The following CAMKK1 variants were observed in gnomAD, a reference collection of about 807,000 sequenced individuals.
CAMKK1 encodes the protein calcium/calmodulin-dependent protein kinase kinase 1.
Under a neutral mutation model 63.5 loss-of-function variants are expected in CAMKK1, and 20 were observed. The observed-to-expected ratio is 0.32, with a 90% confidence interval of 0.22 to 0.46. CAMKK1 has a LOEUF of 0.46. Among genes scored for constraint, CAMKK1 ranks in the 20% least tolerant of loss-of-function variants. The pLI is 1.00. For synonymous variants in CAMKK1, 253 were observed against 269.0 expected (o/e 0.94, Z 0.58); for missense variants, 588 against 658.1 (o/e 0.89, Z 1.17).
intron 14 of CAMKK1, among the ~76,000 whole-genome samples, chr17:3,868,148 C>T (rs1318830216): frequency 5.1e-5 from 1 of 19,756 alleles, no homozygotes; most frequent in Non-Finnish European, 8.6e-5. Context: ...GAGAAGCAGG[C>T]GCCGTCTAAC....
At chr17:3,870,314 G>A (rs1597451765) in intron 12 of CAMKK1, among the ~76,000 whole-genome samples, 1 of 151,962 alleles carries the variant, frequency 6.6e-6, no homozygotes, top group African/African-American at 2.4e-5. Flanking sequence ...AGATGGGAGG[G>A]AGCAGCCCCC....
chr17:3,880,433 G>T lies in CAMKK1; in HGVS notation c.709C>A (p.Pro237Thr), dbSNP rs1250178452. The stretch of plus-strand genomic sequence containing the variant: ...TTGTCACAGGGCACTTCCATGACGG[G>T]CCTATGGAGAAGGATGCGGGGAGGG... ...YLVFDLLRKG[P>T]VMEVPCDKPF... Residue 237 changes from proline (P) to threonine (T), a missense_variant and splice_region_variant, in exon 9 of 16, where the codon CCC becomes ACC. This residue lies in a region of CAMKK1 where 357 missense variants were observed against 407.4 expected (regional missense o/e 0.88). Coordinates refer to ENST00000348335, the MANE Select transcript of CAMKK1 (RefSeq NM_032294.3). 1.2e-6 allele frequency: 2 copies of T among 1,613,086 alleles called. No homozygotes were observed. Among genetic ancestry groups the T allele is most frequent in the South Asian group, 1.1e-5 (1 of 90,894 alleles).
At chr17:3,868,802 A>G (rs1481545330) in intron 14 of CAMKK1, among the ~76,000 whole-genome samples, 2 of 149,390 alleles carry the variant, frequency 1.3e-5, no homozygotes, top group Non-Finnish European at 3.0e-5. Flanking sequence ...ACAGGTGCCC[A>G]CCACTGCGCC....
chr17:3,885,677 C>A lies in CAMKK1; in HGVS notation c.11G>T (p.Gly4Val), dbSNP rs746626071. The A allele has an allele frequency of 3.3e-5, 53 of 1,612,692 alleles. No homozygotes were observed. Among genetic ancestry groups the A allele is most frequent in the Non-Finnish European group, 4.5e-5 (53 of 1,179,992 alleles). MEG[G>V]PAVCCQDPRA... ...AGGATCCTGGCAGCAGACAGCTGGA[C>A]CCCCCTCCATTGCTTCAGTCAAGGG... Residue 4 changes from glycine (G) to valine (V), a missense_variant, in exon 2 of 16, where the codon GGT (glycine) becomes GTT (valine). By Grantham distance (109) the Gly-to-Val change is moderately radical (BLOSUM62 -3). Transcript: ENST00000348335.
In CAMKK1 at chr17:3,873,458, A is replaced by G; in HGVS notation, c.1001T>C (p.Leu334Ser). 6.2e-7 allele frequency: 1 copy of G among 1,613,996 alleles called. No individual in the cohort carries two copies. The highest frequency in any genetic ancestry group is 8.5e-7 in the Non-Finnish European group (1 of 1,179,982). ...CGTGACGCCAGTGGCCCATACATCC[A>G]AGGCCTGGAAAGAAACATGCTCACA... Reference protein sequence around the residue: ...DSGQSFSGKALDVWATGVTLY... With the variant: ...DSGQSFSGKASDVWATGVTLY... Residue 334 changes from leucine (L) to serine (S), a missense_variant, in exon 11 of 16, where the codon TTG becomes TCG. By Grantham distance (145) the Leu-to-Ser change is moderately radical (BLOSUM62 -2). Transcript: ENST00000348335.
intron 13 of CAMKK1, 57 bp downstream of exon 13, chr17:3,869,744 G>T: frequency 1.9e-6 from 3 of 1,603,444 alleles, no homozygotes; most frequent in Non-Finnish European, 2.6e-6. Flanking sequence ...TCCAGAAAGG[G>T]AAAGTGACTC....
chr17:3,874,979 G>A (rs1461535568), intron 10 of CAMKK1, among the ~76,000 whole-genome samples: 9 of 151,874 alleles, frequency 5.9e-5, no homozygotes, highest in South Asian at 2.1e-4. Flanking sequence ...AAAATTAGCC[G>A]GGCGTGGTGG....
intron 12 of CAMKK1, among the ~76,000 whole-genome samples, chr17:3,871,001 G>A (rs906900121): frequency 6.6e-6 from 1 of 152,146 alleles, no homozygotes; most frequent in African/African-American, 2.4e-5. Flanking sequence ...GAATGCTAGC[G>A]CCAGGGTGTG....
chr17:3,890,209 G>A lies in CAMKK1; in HGVS notation c.-44+2730C>T, dbSNP rs555404752. ...CCCTCCGCAGCTCCCGCCCCCACCC[G>A]GGATGACTCAGTCCCCTTGAGGGAG... On this transcript the variant is annotated intron_variant, in intron 1 of 15. Coordinates refer to ENST00000348335, the MANE Select transcript of CAMKK1 (RefSeq NM_032294.3). This position sits in a 1 kb window ranked among gnomAD's most constrained non-coding sequence, Gnocchi z 6.5. 3.3e-5 allele frequency among the ~76,000 whole-genome samples: 5 copies of A among 152,208 alleles called. No individual in the cohort carries two copies. Among genetic ancestry groups the A allele is most frequent in the South Asian group, 2.1e-4 (1 of 4,824 alleles).
chr17:3,871,500 A>G (rs11078469), intron 12 of CAMKK1, among the ~76,000 whole-genome samples: 141,871 of 148,166 alleles, frequency 0.96, 67,955 homozygotes, highest in East Asian at 1. Flanking sequence ...GACTACAGGC[A>G]CCCGCCACCA....
chr17:3,868,956 C>CTTTCT (rs1298994816), intron 14 of CAMKK1, among the ~76,000 whole-genome samples: 8 of 147,230 alleles, frequency 5.4e-5, no homozygotes, highest in African/African-American at 2.0e-4. Flanking sequence ...CCCGGTATTT[C>CTTTCT]TTTCTTTTCT....
At position 3,884,511 on chromosome 17, in the gene CAMKK1, C is replaced by G. The variant is rs1020977320; in HGVS notation, c.361-84G>C. ...CTCAGAGCCCGTTCAGGGTCCAATT[C>G]TGGCCATAAGCTCCTCATTCCCGGA... On this transcript the variant is annotated intron_variant, in intron 2 of 15. Transcript: ENST00000348335. This position sits in a 1 kb window ranked among gnomAD's most constrained non-coding sequence, Gnocchi z 4.5. 1.5e-6 allele frequency: 2 copies of G among 1,348,308 alleles called. No individual in the cohort carries two copies. Among genetic ancestry groups the G allele is most frequent in the Non-Finnish European group, 2.1e-6 (2 of 964,842 alleles). The allele number at this position is 1,348,308 out of a possible 1,614,324, so 83.5% of individuals were successfully genotyped here.
chr17:3,890,307 G>A lies in CAMKK1; in HGVS notation c.-44+2632C>T, dbSNP rs2055846503. The stretch of plus-strand genomic sequence containing the variant: ...GACGCCCGCTCCCACCATCCCTGGG[G>A]AGCCCCCAAGCACCAATACGGGCTG... On this transcript the variant is annotated intron_variant, in intron 1 of 15. Transcript: ENST00000348335. This position sits in a 1 kb window ranked among gnomAD's most constrained non-coding sequence, Gnocchi z 6.5. Among the ~76,000 whole-genome samples the A allele has an allele frequency of 6.6e-6, 1 of 152,156 alleles. No homozygotes were observed. Among genetic ancestry groups the A allele is most frequent in the Admixed American group, 6.5e-5 (1 of 15,284 alleles).
rs1287430533 is a variant in CAMKK1, at chr17:3,868,172, CT to C, written c.1341+1314del. Reference sequence around the variant, plus strand: ...GCGCCGTCTAACTGATACGTGGGCTCTGGGGGAGAAGCAGGCGCCGTCTAAC... The same window carrying C: ...GCGCCGTCTAACTGATACGTGGGCTCGGGGGAGAAGCAGGCGCCGTCTAAC... On this transcript the variant is annotated intron_variant, in intron 14 of 15. Transcript: ENST00000348335. 8.1e-4 allele frequency among the ~76,000 whole-genome samples: 4 copies of C among 4,938 alleles called. 1 individual carries two copies. The highest frequency in any genetic ancestry group is 1.5e-3 in the Non-Finnish European group (4 of 2,660). The allele number at this position is 4,938 out of a possible 152,430, so 3.2% of individuals were successfully genotyped here.
rs562477707 is a variant in CAMKK1, at chr17:3,887,784, C to A, written c.-43-2054G>T. Among the ~76,000 whole-genome samples the A allele has an allele frequency of 6.6e-6, 1 of 152,228 alleles. No individual in the cohort carries two copies. The highest frequency in any genetic ancestry group is 2.4e-5 in the African/African-American group (1 of 41,528). ...GGAGCTTCGGGGAGAGCTTGGAAAC[C>A]AGACAGCATAGGAAGGAGGAAGCCA... On this transcript the variant is annotated intron_variant, in intron 1 of 15. Transcript: ENST00000348335. The surrounding 1 kb of genome is among the most constrained non-coding windows in gnomAD (Gnocchi z 6.1).
At chr17:3,866,583 A>G (rs2054535055) in intron 14 of CAMKK1, among the ~76,000 whole-genome samples, 1 of 152,244 alleles carries the variant, frequency 6.6e-6, no homozygotes, top group Admixed American at 6.5e-5. Context: ...AGGCAGCGGC[A>G]CACTTGCCAG....
Position 3,883,926 on chromosome 17 carries a change from A to C in CAMKK1, c.420T>G (p.Gly140=). The change falls in exon 4 of 16, where the codon GGT becomes GGG. Residue 140 remains glycine (G), a synonymous_variant. Coordinates refer to ENST00000348335, the MANE Select transcript of CAMKK1 (RefSeq NM_032294.3). This position sits in a 1 kb window ranked among gnomAD's most constrained non-coding sequence, Gnocchi z 4.7. ...LQSEIGKGAY[G]VVRLAYNESE... ...TTTCGTTGTAGGCCAGCCTCACCACACCGTAGGCACCCTGCAGATAGGCAT... is the reference window on the plus strand; with the variant it reads ...TTTCGTTGTAGGCCAGCCTCACCACCCCGTAGGCACCCTGCAGATAGGCAT... 1 of 1,613,592 alleles carries C rather than the reference A, an allele frequency of 6.2e-7. No individual in the cohort carries two copies. Among genetic ancestry groups the C allele is most frequent in the Non-Finnish European group, 8.5e-7 (1 of 1,179,912 alleles).
In CAMKK1 at chr17:3,871,938, A is replaced by G. The variant is rs957419823; in HGVS notation, c.1124+616T>C. On this transcript the variant is annotated intron_variant, in intron 12 of 15. Coordinates refer to ENST00000348335, the MANE Select transcript of CAMKK1 (RefSeq NM_032294.3). ...TGGGATTACAGGCGTGAGCCACCGCACCCGGCCTCCATTTCACTCCTGAAA... is the reference window on the plus strand; with the variant it reads ...TGGGATTACAGGCGTGAGCCACCGCGCCCGGCCTCCATTTCACTCCTGAAA... Among the ~76,000 whole-genome samples, 21 of 152,018 alleles carry G rather than the reference A, an allele frequency of 1.4e-4. 1 individual carries two copies. The highest frequency in any genetic ancestry group is 6.6e-4 in the Admixed American group (10 of 15,260).
At chr17:3,877,661 C>T (rs888275786) in intron 9 of CAMKK1, among the ~76,000 whole-genome samples, 2 of 152,110 alleles carry the variant, frequency 1.3e-5, no homozygotes, top group Non-Finnish European at 2.9e-5. Context: ...ATAACAATAA[C>T]CATAAAACCA....
Sources: gnomAD v4.1 joint callset for allele counts (sites outside exome capture counted in the v4.1 genomes callset) on GRCh38, gnomAD v4.1.1 for gene constraint, gnomAD v4.1.1 regional missense constraint, Gnocchi (gnomAD v3.1) non-coding constraint, MANE v1.5 for transcripts, NCBI Gene and HGNC (gene_info 2026-07-23, HGNC 2026-07-21) for gene names.